The following ZMYM5 variants were observed in gnomAD, a reference collection of about 807,000 sequenced individuals.
ZMYM5 encodes zinc finger MYM-type protein 5.
In ZMYM5, 41 loss-of-function variants were observed where a neutral mutation model predicts 61.8. That is an observed-to-expected ratio of 0.66 (90% CI 0.52 to 0.86). The LOEUF (loss-of-function observed/expected upper bound fraction) is 0.86. Among genes scored for constraint, ZMYM5 ranks in the 40% least tolerant of loss-of-function variants. ZMYM5 has a pLI of 0.00. For missense variants in ZMYM5, 706 were observed against 786.7 expected, an observed-to-expected ratio of 0.90 and a Z score of 1.23; for synonymous variants, 257 against 276.4, an observed-to-expected ratio of 0.93 and a Z score of 0.70.
At chr13:19,851,490 C>T in intron 3 of ZMYM5, 42 bp from the exon 4 acceptor site, 1 of 1,601,214 alleles carries the variant, frequency 6.2e-7, no homozygotes, top group Non-Finnish European at 8.6e-7. Context: ...ATATTAACAC[C>T]AAAATTACTT....
chr13:19,836,976 A>T (rs1293937868), intron 6 of ZMYM5, among the ~76,000 whole-genome samples: 1 of 150,170 alleles, frequency 6.7e-6, no homozygotes, highest in Non-Finnish European at 1.5e-5. Context: ...TAACTTTTAG[A>T]TTCAGGGAAT....
chr13:19,859,964 C>T (rs950476322), intron 2 of ZMYM5, among the ~76,000 whole-genome samples: 1 of 149,650 alleles, frequency 6.7e-6, no homozygotes, highest in African/African-American at 2.4e-5. Context: ...AATTAGCCAA[C>T]GTGGTGGCAT....
rs1224883950 is a variant in ZMYM5, at chr13:19,837,712, G to A, written c.982C>T (p.Leu328Phe). Residue 328 changes from leucine to phenylalanine, a missense_variant, in exon 6 of 8, where the codon CTT (leucine) becomes TTT (phenylalanine). By Grantham distance (22) the Leu-to-Phe change is conservative (BLOSUM62 0). Around this residue, in one of 2 missense-constraint regions of ZMYM5, gnomAD observed 480 missense variants for 461.7 expected, o/e 1.04. Coordinates refer to ENST00000337963, the MANE Select transcript of ZMYM5 (RefSeq NM_001142684.2). ...CLSPCENNWN[L>F]KKGVFNKSRC... Reference sequence around the variant, plus strand: ...GACTTATTAAAAACTCCTTTTTTAAGATTCCAGTTGTTTTCACAGGGAGAC... The same window carrying A: ...GACTTATTAAAAACTCCTTTTTTAAAATTCCAGTTGTTTTCACAGGGAGAC... 2 of 1,577,196 alleles carry A rather than the reference G, an allele frequency of 1.3e-6. No individual in the cohort carries two copies. The highest frequency in any genetic ancestry group is 8.6e-7 in the Non-Finnish European group (1 of 1,169,330).
chr13:19,835,157 T>C (rs573258188), intron 7 of ZMYM5, among the ~76,000 whole-genome samples: 11 of 152,210 alleles, frequency 7.2e-5, no homozygotes, highest in South Asian at 2.1e-4. Context: ...TGCCTGCGGC[T>C]AATTCTAAAA....
intron 4 of ZMYM5, among the ~76,000 whole-genome samples, chr13:19,839,614 A>C (rs1051933221): frequency 6.6e-6 from 1 of 151,908 alleles, no homozygotes; most frequent in African/African-American, 2.4e-5. Flanking sequence ...GGCCTCAAGT[A>C]ATCCACCTGC....
intron 7 of ZMYM5, 38 bp from the exon 8 acceptor site, chr13:19,825,273 A>C: frequency 8.3e-7 from 1 of 1,198,980 alleles, no homozygotes; most frequent in Non-Finnish European, 1.1e-6. Context: ...TTTTAGGTTA[A>C]ACTTTTAAAA....
At chr13:19,853,376 G>A (rs1294868075) in intron 2 of ZMYM5, among the ~76,000 whole-genome samples, 1 of 152,134 alleles carries the variant, frequency 6.6e-6, no homozygotes, top group African/African-American at 2.4e-5. Flanking sequence ...ACTGAAAGAA[G>A]GCAAAAGTAA....
intron 4 of ZMYM5, among the ~76,000 whole-genome samples, chr13:19,849,910 G>A (rs1953223313): frequency 6.6e-6 from 1 of 152,048 alleles, no homozygotes; most frequent in African/African-American, 2.4e-5. Flanking sequence ...GAACCCAGGA[G>A]GCAGAGGTTG....
At position 19,860,136 on chromosome 13, in the gene ZMYM5, A is replaced by T. The variant is rs559946784; in HGVS notation, c.-11+2263T>A. On this transcript the variant is annotated intron_variant, in intron 2 of 7. Coordinates refer to ENST00000337963, the MANE Select transcript of ZMYM5 (RefSeq NM_001142684.2). ...AAAAAAAAAAAAAAGAGGAAAAAAAAAGAATTATAGATGGAGTCTCACTCT... is the reference window on the plus strand; with the variant it reads ...AAAAAAAAAAAAAAGAGGAAAAAAATAGAATTATAGATGGAGTCTCACTCT... Among the ~76,000 whole-genome samples the T allele has an allele frequency of 8.7e-5, 13 of 149,036 alleles. No homozygotes were observed. In the South Asian group the frequency reaches 1.9e-3, roughly 22 times the overall value.
Position 19,824,949 on chromosome 13 carries a change from A to G in ZMYM5, c.1538T>C (p.Ile513Thr), listed in dbSNP as rs1246309954. 7.3e-7 allele frequency: 1 copy of G among 1,365,186 alleles called. No homozygotes were observed. Among genetic ancestry groups the G allele is most frequent in the East Asian group, 4.6e-5 (1 of 21,968 alleles). The allele number at this position is 1,365,186 out of a possible 1,614,324, so 84.6% of individuals were successfully genotyped here. Residue 513 changes from isoleucine to threonine, a missense_variant, in exon 8 of 8, where the codon ATT becomes ACT. Transcript: ENST00000337963. ...QLEEKNFEDS[I>T]VPVVLSADPG... Reference sequence around the variant, plus strand: ...ATCTGCGGAAAGCACAACTGGTACAATGGAGTCTTCAAAATTTTTCTCTTC... The same window carrying G: ...ATCTGCGGAAAGCACAACTGGTACAGTGGAGTCTTCAAAATTTTTCTCTTC...
intron 2 of ZMYM5, among the ~76,000 whole-genome samples, chr13:19,860,972 T>C (rs1263562580): frequency 6.8e-6 from 1 of 147,592 alleles, no homozygotes; most frequent in Non-Finnish European, 1.5e-5. Context: ...GTCTCAAACC[T>C]TATGGACCAG....
Position 19,851,130 on chromosome 13 carries a change from G to A in ZMYM5, c.586+225C>T, listed in dbSNP as rs11842508. On this transcript the variant is annotated intron_variant, in intron 4 of 7. Coordinates refer to ENST00000337963, the MANE Select transcript of ZMYM5 (RefSeq NM_001142684.2). The stretch of plus-strand genomic sequence containing the variant: ...AGGCTCAGGCAGGAAAAAAAAAATC[G>A]CTTGAACCTGGGAGGCGGAGGTTGC... 0.098 allele frequency among the ~76,000 whole-genome samples: 14,959 copies of A among 151,986 alleles called. 869 individuals carry two copies. Among genetic ancestry groups the A allele is most frequent in the African/African-American group, 0.16 (6,743 of 41,436 alleles).
intron 4 of ZMYM5, among the ~76,000 whole-genome samples, chr13:19,847,803 A>ATTTTTTTT (rs34176871): frequency 2.5e-3 from 202 of 79,856 alleles, no homozygotes; most frequent in African/African-American, 4.6e-3. Flanking sequence ...TGCCCGGCTA[A>ATTTTTTTT]TTTTTTTTTT....
chr13:19,858,180 G>A (rs1221665060), intron 2 of ZMYM5, among the ~76,000 whole-genome samples: 1 of 150,012 alleles, frequency 6.7e-6, no homozygotes, highest in Non-Finnish European at 1.5e-5. Context: ...CTGGGCAACA[G>A]AGTTAGACCT....
At position 19,838,890 on chromosome 13, in the gene ZMYM5, A is replaced by T. The variant is rs757387575; in HGVS notation, c.682T>A (p.Phe228Ile). Residue 228 changes from phenylalanine (F) to isoleucine (I), a missense_variant, in exon 5 of 8, where the codon TTC (phenylalanine) becomes ATC (isoleucine). Around this residue, in one of 2 missense-constraint regions of ZMYM5, gnomAD observed 480 missense variants for 461.7 expected, o/e 1.04. Transcript: ENST00000337963. ...SPVALLRKQN[F>I]QPTAQQQLTK... is the part of the protein sequence containing the mutation. ...AGTTGTTGTTGGGCTGTAGGCTGGA[A>T]ATTCTGCTTACGAAGTAAGGCCACT... is the stretch of plus-strand genomic sequence containing the variant. 2 of 1,614,024 alleles carry T rather than the reference A, an allele frequency of 1.2e-6. No homozygotes were observed. The highest frequency in any genetic ancestry group is 1.7e-6 in the Non-Finnish European group (2 of 1,180,038).
chr13:19,851,811 C>A lies in ZMYM5; in HGVS notation c.370G>T (p.Asp124Tyr), dbSNP rs775675624. The change falls in exon 3 of 8, where the codon GAC becomes TAC. Residue 124 changes from aspartate (D) to tyrosine (Y), a missense_variant. This residue lies in a region of ZMYM5 where 480 missense variants were observed against 461.7 expected (regional missense o/e 1.04). Coordinates refer to ENST00000337963, the MANE Select transcript of ZMYM5 (RefSeq NM_001142684.2). ...TCTGCTCCTCCATTTGTTTCTATGT[C>A]CTCTTCATCATCAATAACAATTGTC... ...SETIVIDDEE[D>Y]IETNGGAEKK... 6.2e-7 allele frequency: 1 copy of A among 1,612,880 alleles called. No homozygotes were observed. The highest frequency in any genetic ancestry group is 2.2e-5 in the East Asian group (1 of 44,860).
In ZMYM5 at chr13:19,838,703, T is replaced by G. The variant is rs774407452; in HGVS notation, c.869A>C (p.Lys290Thr). Residue 290 changes from lysine to threonine, a missense_variant, in exon 5 of 8, where the codon AAA (lysine) becomes ACA (threonine). Physicochemically the swap from Lys to Thr is moderately conservative, Grantham distance 78. Around this residue, in one of 2 missense-constraint regions of ZMYM5, gnomAD observed 480 missense variants for 461.7 expected, o/e 1.04. Transcript: ENST00000337963. ...AATGTTGAAAGGTACTGCTTACTTT[T>G]TACATATTATGCTTCGTGTGTTTTG... is the stretch of plus-strand genomic sequence containing the variant. Reference protein sequence around the residue: ...RTQNTRSIICKKDASTKKANV... With the variant: ...RTQNTRSIICTKDASTKKANV... 5 of 1,613,934 alleles carry G rather than the reference T, an allele frequency of 3.1e-6. No homozygotes were observed. The highest frequency in any genetic ancestry group is 3.3e-4 in the Middle Eastern group (2 of 6,060).
At chr13:19,844,714 A>G (rs9508913) in intron 4 of ZMYM5, among the ~76,000 whole-genome samples, 121,838 of 152,076 alleles carry the variant, frequency 0.8, 50,150 homozygotes, top group East Asian at 0.96. Context: ...CTCTGCCTCC[A>G]GGGTTCAAGC....
chr13:19,845,010 A>G (rs576357116), intron 4 of ZMYM5, among the ~76,000 whole-genome samples: 11 of 152,336 alleles, frequency 7.2e-5, no homozygotes, highest in African/African-American at 2.4e-4. Context: ...ATATGTTGAC[A>G]TCTTGAATGC....
Sources: gnomAD v4.1 joint callset for allele counts (sites outside exome capture counted in the v4.1 genomes callset) on GRCh38, gnomAD v4.1.1 for gene constraint, gnomAD v4.1.1 regional missense constraint, MANE v1.5 for transcripts, NCBI Gene and HGNC (gene_info 2026-07-23, HGNC 2026-07-21) for gene names.